RCBTB1: variants seen among roughly 807,000 people sequenced by gnomAD.
RCBTB1 encodes the protein RCC1 and BTB domain containing protein 1.
A neutral mutation model predicts 62.4 loss-of-function variants in RCBTB1; 46 were observed. That is an observed-to-expected ratio of 0.74 (90% CI 0.58 to 0.94). The LOEUF is 0.94. Among genes scored for constraint, RCBTB1 ranks in the 40% least tolerant of loss-of-function variants. The pLI, the probability that RCBTB1 is intolerant of heterozygous loss-of-function variation, is 0.00. For synonymous variants in RCBTB1, 222 were observed against 245.8 expected, an observed-to-expected ratio of 0.90 and a Z score of 0.91; for missense variants, 565 against 654.9, an observed-to-expected ratio of 0.86 and a Z score of 1.50.
intron 2 of RCBTB1, among the ~76,000 whole-genome samples, chr13:49,569,042 C>T (rs1303877945): frequency 6.6e-6 from 1 of 152,218 alleles, no homozygotes; most frequent in Non-Finnish European, 1.5e-5. Flanking sequence ...TTAATCCTCA[C>T]TTTACCAATA....
chr13:49,563,387 G>A (rs1230316883), intron 4 of RCBTB1, among the ~76,000 whole-genome samples: 2 of 138,378 alleles, frequency 1.4e-5, no homozygotes, highest in Non-Finnish European at 3.1e-5. Context: ...AAAAGGCCAG[G>A]CACAGTGGCT....
rs1258633828 is a variant in RCBTB1, at chr13:49,532,880, G to C, written c.*1242C>G. On this transcript the variant is annotated 3_prime_UTR_variant, in exon 13 of 13. Transcript: ENST00000378302. ...GCAAAGCAAAACATTGCTCTTAAAA[G>C]CAAGCTCAACGGACACACATGATGA... is the stretch of plus-strand genomic sequence containing the variant. The C allele has an allele frequency of 6.6e-6, 1 of 152,066 alleles. No homozygotes were observed. The highest frequency in any genetic ancestry group is 6.5e-5 in the Admixed American group (1 of 15,268). 9.4% of individuals were successfully genotyped at this position (152,066 alleles called of 1,614,324 possible). A position where few individuals can be genotyped will look rare whatever the true frequency, so the allele number is the denominator to read the frequency against.
intron 1 of RCBTB1, among the ~76,000 whole-genome samples, chr13:49,584,905 C>G (rs376102137): frequency 1.3e-5 from 2 of 152,130 alleles, no homozygotes; most frequent in East Asian, 1.9e-4. Context: ...GGAAACGTCA[C>G]TTATTTAGAG....
chr13:49,585,489 T>A lies in RCBTB1; in HGVS notation c.-167A>T, dbSNP rs180895501. The A allele has an allele frequency of 1.8e-3, 273 of 152,100 alleles. 1 individual carries two copies. The highest frequency in any genetic ancestry group is 6.1e-3 in the African/African-American group (252 of 41,496). 9.4% of individuals were successfully genotyped at this position (152,100 alleles called of 1,614,324 possible). ...GCGCCGTCCCGCGGGACCGCAGGGA[T>A]CTCCGAAGCTCCAATGGGCGCAGAA... On this transcript the variant is annotated 5_prime_UTR_variant, in exon 1 of 13. Transcript: ENST00000378302.
chr13:49,574,052 G>A (rs1332347601), intron 2 of RCBTB1, among the ~76,000 whole-genome samples: 1 of 150,072 alleles, frequency 6.7e-6, no homozygotes, highest in African/African-American at 2.5e-5. Flanking sequence ...CCAAAGTGCT[G>A]GGATTACAGG....
At chr13:49,559,692 T>G (rs1594303798) in intron 5 of RCBTB1, among the ~76,000 whole-genome samples, 1 of 146,996 alleles carries the variant, frequency 6.8e-6, no homozygotes. Context: ...TGTCAGGGGC[T>G]GGGGGAGGAC....
chr13:49,555,027 A>T (rs1961728594), intron 6 of RCBTB1, among the ~76,000 whole-genome samples: 1 of 152,250 alleles, frequency 6.6e-6, no homozygotes, highest in African/African-American at 2.4e-5. Context: ...GTAGGGGGTA[A>T]CTAAAGGGAC....
At chr13:49,561,574 GA>G (rs1962432945) in intron 4 of RCBTB1, among the ~76,000 whole-genome samples, 1 of 152,102 alleles carries the variant, frequency 6.6e-6, no homozygotes, top group Admixed American at 6.5e-5. Context: ...CTTAAATAGA[GA>G]AATGCATACC....
At chr13:49,563,218 G>A (rs7987956) in intron 4 of RCBTB1, among the ~76,000 whole-genome samples, 36,850 of 151,078 alleles carry the variant, frequency 0.24, 5,797 homozygotes, top group African/African-American at 0.44. Context: ...TAGGCAACAT[G>A]GTGAGACCTC....
chr13:49,549,505 A>G lies in RCBTB1; in HGVS notation c.998T>C (p.Phe333Ser). Residue 333 changes from phenylalanine to serine, a missense_variant, in exon 9 of 13, where the codon TTT becomes TCT. Physicochemically the swap from Phe to Ser is radical, Grantham distance 155 (BLOSUM62 -2). Transcript: ENST00000378302. ...GACGGCGGGAGTGGCAAAGCAGGCA[A>G]ACACGTCGTCGGTGCAGGAGAAGTG... Reference protein sequence around the residue: ...LTHFSCTDDVFACFATPAVSW... With the variant: ...LTHFSCTDDVSACFATPAVSW... 6.2e-7 allele frequency: 1 copy of G among 1,613,632 alleles called. No homozygotes were observed. The highest frequency in any genetic ancestry group is 8.5e-7 in the Non-Finnish European group (1 of 1,179,726).
chr13:49,577,257 C>G (rs1963843485), intron 2 of RCBTB1, among the ~76,000 whole-genome samples: 1 of 152,182 alleles, frequency 6.6e-6, no homozygotes, highest in Non-Finnish European at 1.5e-5. Context: ...CCTAAGAGCA[C>G]ATTTATTTTA....
intron 3 of RCBTB1, 116 bp downstream of exon 3, chr13:49,567,038 G>C: frequency 2.0e-6 from 2 of 977,470 alleles, no homozygotes; most frequent in Non-Finnish European, 3.0e-6. Flanking sequence ...TAGTCTTCCT[G>C]AACTTCAGGA....
chr13:49,567,903 A>G (rs1190185063), intron 2 of RCBTB1, among the ~76,000 whole-genome samples: 1 of 152,222 alleles, frequency 6.6e-6, no homozygotes. Flanking sequence ...ATGTGTGTGC[A>G]GGTGGAGGGG....
chr13:49,584,128 T>C (rs1308235496), intron 1 of RCBTB1, among the ~76,000 whole-genome samples: 1 of 152,248 alleles, frequency 6.6e-6, no homozygotes, highest in Non-Finnish European at 1.5e-5. Context: ...TGCTGCAGCA[T>C]ACGGGCACGC....
intron 2 of RCBTB1, among the ~76,000 whole-genome samples, chr13:49,569,090 G>T (rs1963222428): frequency 6.6e-6 from 1 of 152,164 alleles, no homozygotes; most frequent in Non-Finnish European, 1.5e-5. Flanking sequence ...AAGTGGCAGA[G>T]TCGGGATCTG....
chr13:49,557,749 T>C (rs986761900), intron 5 of RCBTB1, among the ~76,000 whole-genome samples: 4 of 147,822 alleles, frequency 2.7e-5, no homozygotes, highest in African/African-American at 1.0e-4. Flanking sequence ...GCCAGATTCT[T>C]GTCTCTACAA....
intron 4 of RCBTB1, among the ~76,000 whole-genome samples, chr13:49,565,891 T>C (rs377062080): frequency 0.063 from 9,254 of 147,320 alleles, 267 homozygotes; most frequent in South Asian, 0.11. Context: ...GAAGTAGACA[T>C]AGGAGACTCC....
intron 4 of RCBTB1, among the ~76,000 whole-genome samples, chr13:49,561,944 A>T (rs1245505481): frequency 6.8e-6 from 1 of 146,002 alleles, no homozygotes; most frequent in Non-Finnish European, 1.5e-5. Flanking sequence ...AAAAAAAAAA[A>T]ATACAAAAAT....
At position 49,532,038 on chromosome 13, in the gene RCBTB1, A is replaced by C. The variant is rs1204034919; in HGVS notation, c.*2084T>G. On this transcript the variant is annotated 3_prime_UTR_variant, in exon 13 of 13. Transcript: ENST00000378302. ...TAGAGTATCAAACATTGTTCCAGTA[A>C]GAAGTTCAAGAGTACATTTAGGGCT... is the stretch of plus-strand genomic sequence containing the variant. 1 of 152,682 alleles carries C rather than the reference A, an allele frequency of 6.5e-6. No individual in the cohort carries two copies. The highest frequency in any genetic ancestry group is 1.5e-5 in the Non-Finnish European group (1 of 68,036). The allele number at this position is 152,682 out of a possible 1,614,324, so 9.5% of individuals were successfully genotyped here.
Sources: allele counts gnomAD v4.1 joint callset (sites outside exome capture counted in the v4.1 genomes callset), GRCh38; gene constraint gnomAD v4.1.1; transcripts MANE v1.5; gene names NCBI Gene and HGNC (gene_info 2026-07-23, HGNC 2026-07-21).